The following CLSTN2 variants were observed in gnomAD, a reference collection of about 807,000 sequenced individuals.
CLSTN2 encodes the protein calsyntenin 2, also known as calsyntenin-2.
In CLSTN2, 48 loss-of-function variants were observed where a neutral mutation model predicts 101.2. That is an observed-to-expected ratio of 0.47 (90% CI 0.38 to 0.60). CLSTN2 has a LOEUF of 0.60. CLSTN2 is among the 20% of genes least tolerant of loss of function. The probability of loss-of-function intolerance (pLI) is 0.00; values close to 1 mark genes in which losing one functional copy is unlikely to be tolerated. For synonymous variants in CLSTN2, 481 were observed against 463.6 expected, an observed-to-expected ratio of 1.04 and a Z score of -0.48; for missense variants, 1,160 against 1,238.2, an observed-to-expected ratio of 0.94 and a Z score of 0.95.
At chr3:140,127,476 A>G (rs2009454049) in intron 1 of CLSTN2, among the ~76,000 whole-genome samples, 1 of 152,214 alleles carries the variant, frequency 6.6e-6, no homozygotes, top group African/African-American at 2.4e-5. Context: ...CTTGAATGTC[A>G]CAGTGAGAAA....
chr3:140,437,158 C>T (rs1037425208), intron 5 of CLSTN2, among the ~76,000 whole-genome samples: 10 of 151,466 alleles, frequency 6.6e-5, no homozygotes, highest in African/African-American at 2.4e-4. Flanking sequence ...ACGCCATTCT[C>T]CTGCCTCAGC....
At chr3:140,317,864 C>G (rs1014201496) in intron 2 of CLSTN2, among the ~76,000 whole-genome samples, 2 of 152,140 alleles carry the variant, frequency 1.3e-5, no homozygotes, top group Non-Finnish European at 2.9e-5. Context: ...ACTGCATCAC[C>G]TCATTACAAT....
chr3:140,556,988 G>A, intron 11 of CLSTN2: 1 of 252,412 alleles, frequency 4.0e-6, no homozygotes, highest in Admixed American at 5.0e-5. Context: ...CTGATTTAAG[G>A]GCGCAGTGCG....
At chr3:140,140,193 C>G (rs1363286031) in intron 1 of CLSTN2, among the ~76,000 whole-genome samples, 1 of 152,142 alleles carries the variant, frequency 6.6e-6, no homozygotes, top group Non-Finnish European at 1.5e-5. Context: ...TCTAGGCAGC[C>G]TACATCCTTT....
intron 6 of CLSTN2, among the ~76,000 whole-genome samples, chr3:140,456,756 T>C (rs1334890296): frequency 6.6e-6 from 1 of 152,040 alleles, no homozygotes; most frequent in African/African-American, 2.4e-5. Flanking sequence ...CACTGTACTC[T>C]AGCCTGGGCG....
rs148556734 is a variant in CLSTN2, at chr3:140,466,763, C to T, written c.1344+32C>T. ...TGCTCACCTCACACCTGCTGCTACT[C>T]ATGCCTCTGCGGGGGTGGCCAGTCC... On this transcript the variant is annotated intron_variant, in intron 8 of 16. Transcript: ENST00000458420. 265 of 1,613,022 alleles carry T rather than the reference C, an allele frequency of 1.6e-4. No homozygotes were observed. The African/African-American group carries it at 3.2e-3, about 20-fold the overall frequency.
chr3:139,977,947 A>G (rs1935848310), intron 1 of CLSTN2, among the ~76,000 whole-genome samples: 3 of 152,188 alleles, frequency 2.0e-5, no homozygotes, highest in Non-Finnish European at 4.4e-5. Context: ...TCTGTGATGC[A>G]TGATGACATG....
intron 1 of CLSTN2, among the ~76,000 whole-genome samples, chr3:139,946,980 G>A (rs1048956694): frequency 6.6e-6 from 1 of 152,164 alleles, no homozygotes; most frequent in Admixed American, 6.5e-5. Context: ...GTGACTTGAG[G>A]TTCTGAATGT....
At chr3:140,117,450 T>A (rs902098242) in intron 1 of CLSTN2, among the ~76,000 whole-genome samples, 1 of 152,188 alleles carries the variant, frequency 6.6e-6, no homozygotes, top group Non-Finnish European at 1.5e-5. Flanking sequence ...ACCAGGCTAA[T>A]GGTGAAGATT....
intron 1 of CLSTN2, among the ~76,000 whole-genome samples, chr3:140,061,219 C>T (rs1361059800): frequency 6.6e-6 from 1 of 152,102 alleles, no homozygotes; most frequent in Non-Finnish European, 1.5e-5. Flanking sequence ...GTAGGTAAAC[C>T]CTCAGGGGAG....
Position 140,268,622 on chromosome 3 carries a change from A to G in CLSTN2, c.232+92549A>G, listed in dbSNP as rs562859897. On this transcript the variant is annotated intron_variant, in intron 2 of 16. Transcript: ENST00000458420. ...TGACAAACAGAGGTGTCATTGTGCA[A>G]ATTAGGAGAAGAGGTTCCATTCTCC... Among the ~76,000 whole-genome samples the G allele has an allele frequency of 1.2e-4, 18 of 152,306 alleles. No individual in the cohort carries two copies. In the South Asian group the frequency reaches 3.7e-3, roughly 32 times the overall value.
intron 2 of CLSTN2, among the ~76,000 whole-genome samples, chr3:140,275,941 A>G (rs1455796082): frequency 1.3e-5 from 2 of 152,182 alleles, no homozygotes; most frequent in African/African-American, 4.8e-5. Context: ...GGAGGATTGT[A>G]AGCAGGGGCA....
intron 8 of CLSTN2, among the ~76,000 whole-genome samples, chr3:140,478,526 A>G (rs1934036688): frequency 6.6e-6 from 1 of 152,220 alleles, no homozygotes. Context: ...TTAAATTTCC[A>G]TAAAAGGTGA....
At chr3:140,157,237 C>T (rs1389776312) in intron 1 of CLSTN2, among the ~76,000 whole-genome samples, 2 of 151,384 alleles carry the variant, frequency 1.3e-5, no homozygotes, top group East Asian at 3.9e-4. Context: ...TCCAGATTTT[C>T]CTATTAGTCT....
chr3:140,536,729 C>T (rs542452509), intron 9 of CLSTN2, among the ~76,000 whole-genome samples: 2 of 152,120 alleles, frequency 1.3e-5, no homozygotes, highest in South Asian at 2.1e-4. Context: ...TAAAATTGGG[C>T]TTTATAGAAT....
At chr3:140,302,114 C>A (rs970096543) in intron 2 of CLSTN2, among the ~76,000 whole-genome samples, 4 of 152,126 alleles carry the variant, frequency 2.6e-5, no homozygotes, top group African/African-American at 7.2e-5. Flanking sequence ...CCACTAGACC[C>A]GTGTCTTAAT....
intron 8 of CLSTN2, among the ~76,000 whole-genome samples, chr3:140,478,658 TG>T (rs1934041314): frequency 6.6e-6 from 1 of 152,206 alleles, no homozygotes; most frequent in African/African-American, 2.4e-5. Context: ...ATTGCAGTGA[TG>T]GTTGCACAAC....
chr3:139,953,931 T>TGTGTGTGTGTGTGTGTG (rs1576374977), intron 1 of CLSTN2, among the ~76,000 whole-genome samples: 13 of 147,494 alleles, frequency 8.8e-5, no homozygotes, highest in African/African-American at 3.3e-4. Flanking sequence ...GTGTGTGTGT[T>TGTGTGTGTGTGTGTGTG]TGTGTGTGTG....
intron 8 of CLSTN2, among the ~76,000 whole-genome samples, chr3:140,481,955 G>A (rs1341402232): frequency 6.6e-6 from 1 of 152,104 alleles, no homozygotes; most frequent in Non-Finnish European, 1.5e-5. Flanking sequence ...TCTCCTGCCT[G>A]ATTGCCCTGG....
Sources: gnomAD v4.1 joint callset for allele counts (sites outside exome capture counted in the v4.1 genomes callset) on GRCh38, gnomAD v4.1.1 for gene constraint, MANE v1.5 for transcripts, NCBI Gene and HGNC (gene_info 2026-07-23, HGNC 2026-07-21) for gene names.